The following MYO10 variants were observed in gnomAD, a reference collection of about 807,000 sequenced individuals.
MYO10 encodes unconventional myosin-X.
In MYO10, 133 loss-of-function variants were observed where a neutral mutation model predicts 257.3. The ratio of observed to expected loss-of-function variants is 0.52; its 90% CI spans 0.45 to 0.60. The LOEUF (loss-of-function observed/expected upper bound fraction) is 0.60. Ranked by LOEUF, MYO10 falls within the 20% of genes least tolerant of loss-of-function variation. The probability of loss-of-function intolerance (pLI) is 0.00; values close to 1 mark genes in which losing one functional copy is unlikely to be tolerated. For missense variants in MYO10, 2,399 were observed against 2,635.7 expected, an observed-to-expected ratio of 0.91 and a Z score of 1.97; for synonymous variants, 1,104 against 1,028.6, an observed-to-expected ratio of 1.07 and a Z score of -1.40.
intron 1 of MYO10, among the ~76,000 whole-genome samples, chr5:16,896,922 C>G (rs896257763): frequency 6.6e-6 from 1 of 151,234 alleles, no homozygotes; most frequent in South Asian, 2.1e-4. Context: ...TGCATTAGCT[C>G]CGAACAAAGG....
rs897588386 is a variant in MYO10 at position 16,781,608 on chromosome 5, A to G, written c.727+97T>C. ...TAATTCGTTAAAGAACCAGAGAAAG[A>G]AATGTTTCACATTCTTTTTCAATCC... is the stretch of plus-strand genomic sequence containing the variant. On this transcript the variant is annotated intron_variant, in intron 6 of 40. Coordinates refer to ENST00000513610, the MANE Select transcript of MYO10 (RefSeq NM_012334.3). 2.1e-5 allele frequency: 27 copies of G among 1,277,326 alleles called. No homozygotes were observed. In the African/African-American group the frequency reaches 3.6e-4, roughly 17 times the overall value. 79.1% of individuals were successfully genotyped at this position (1,277,326 alleles called of 1,614,324 possible).
rs114703445 is a variant in MYO10 at position 16,886,316 on chromosome 5, G to A, written c.22-8609C>T. On this transcript the variant is annotated intron_variant, in intron 1 of 40. Coordinates refer to ENST00000513610, the MANE Select transcript of MYO10 (RefSeq NM_012334.3). Reference sequence around the variant, plus strand: ...TGGAAATGTGTGGTTTGAGAGTCCCGAGTTTGTAATATTTTTCTTTGGGCT... The same window carrying A: ...TGGAAATGTGTGGTTTGAGAGTCCCAAGTTTGTAATATTTTTCTTTGGGCT... Among the ~76,000 whole-genome samples the A allele has an allele frequency of 2.2e-3, 328 of 152,242 alleles. 1 individual carries two copies. The highest frequency in any genetic ancestry group is 7.7e-3 in the African/African-American group (320 of 41,538).
intron 2 of MYO10, among the ~76,000 whole-genome samples, chr5:16,846,157 A>AT (rs766546004): frequency 1.2e-4 from 18 of 152,328 alleles, no homozygotes; most frequent in Admixed American, 4.6e-4. Context: ...ACTTGTTTGC[A>AT]TGGGCTACAT....
At chr5:16,900,678 C>T (rs1232733624) in intron 1 of MYO10, among the ~76,000 whole-genome samples, 1 of 151,944 alleles carries the variant, frequency 6.6e-6, no homozygotes, top group African/African-American at 2.4e-5. Flanking sequence ...CACCCCATCC[C>T]TCTTCATTCT....
intron 3 of MYO10, among the ~76,000 whole-genome samples, chr5:16,799,083 C>T (rs1479942837): frequency 1.3e-5 from 2 of 152,142 alleles, no homozygotes; most frequent in African/African-American, 4.8e-5. Flanking sequence ...TTTCTTAAGG[C>T]ACTGATTTAC....
At chr5:16,694,328 C>A (rs1737634947) in intron 27 of MYO10, 43 bp downstream of exon 27, 3 of 1,611,408 alleles carry the variant, frequency 1.9e-6, no homozygotes, top group Admixed American at 1.7e-5. Flanking sequence ...CCAGCATAAA[C>A]CATGAGCAAC....
intron 2 of MYO10, among the ~76,000 whole-genome samples, chr5:16,822,894 A>G (rs1013060721): frequency 1.3e-5 from 2 of 151,552 alleles, no homozygotes; most frequent in East Asian, 2.0e-4. Flanking sequence ...TCACTGTGTT[A>G]GCCAGGACGG....
At position 16,685,822 on chromosome 5, in the gene MYO10, G is replaced by A; in HGVS notation, c.3906C>T (p.Phe1302=). The A allele has an allele frequency of 6.3e-6, 10 of 1,594,604 alleles. No individual in the cohort carries two copies. The highest frequency in any genetic ancestry group is 7.7e-6 in the Non-Finnish European group (9 of 1,170,742). Residue 1302 remains phenylalanine (F), a synonymous_variant, in exon 29 of 41, where the codon TTC becomes TTT. Transcript: ENST00000513610. ...ACGCGTGGACCTGACTCAGCACGCTGAACCACTGGCTGTGGGGAAGAGAGA... is the reference window on the plus strand; with the variant it reads ...ACGCGTGGACCTGACTCAGCACGCTAAACCACTGGCTGTGGGGAAGAGAGA... ...AESPEDASQW[F]SVLSQVHAST... is the part of the protein sequence containing the mutation.
intron 26 of MYO10, among the ~76,000 whole-genome samples, chr5:16,696,728 C>T (rs953180191): frequency 1.5e-4 from 23 of 152,062 alleles, no homozygotes; most frequent in African/African-American, 3.6e-4. Flanking sequence ...TGGTGGCGCA[C>T]GCCTGTAATC....
intron 19 of MYO10, chr5:16,742,277 T>C: frequency 1.0e-6 from 1 of 979,298 alleles, no homozygotes; most frequent in Non-Finnish European, 1.2e-6. Flanking sequence ...TACAGAGCTC[T>C]GATGAATAGT....
intron 8 of MYO10, 81 bp from the exon 9 acceptor site, chr5:16,779,729 A>G: frequency 1.3e-6 from 1 of 744,702 alleles, no homozygotes; most frequent in Non-Finnish European, 2.2e-6. Flanking sequence ...TTTTTAAAGT[A>G]TATATATATA....
chr5:16,929,444 C>A (rs1340008013), intron 1 of MYO10, among the ~76,000 whole-genome samples: 1 of 152,134 alleles, frequency 6.6e-6, no homozygotes, highest in Non-Finnish European at 1.5e-5. Flanking sequence ...CAAAGGACAT[C>A]AACAGGACAG....
chr5:16,914,594 A>T (rs558194929), intron 1 of MYO10, among the ~76,000 whole-genome samples: 1 of 152,298 alleles, frequency 6.6e-6, no homozygotes, highest in South Asian at 2.1e-4. Flanking sequence ...CTAGCCCCAG[A>T]TATGTCTTTC....
intron 3 of MYO10, among the ~76,000 whole-genome samples, chr5:16,799,189 C>G (rs1053962343): frequency 7.4e-6 from 1 of 135,048 alleles, no homozygotes; most frequent in African/African-American, 2.7e-5. Context: ...GGGAACCTCA[C>G]TAGCCATAGA....
intron 19 of MYO10, among the ~76,000 whole-genome samples, chr5:16,743,788 G>A (rs1740093947): frequency 6.6e-6 from 1 of 152,174 alleles, no homozygotes; most frequent in Admixed American, 6.5e-5. Flanking sequence ...ACACATGACA[G>A]TACTTATTTG....
At chr5:16,831,897 A>T (rs1743173640) in intron 2 of MYO10, among the ~76,000 whole-genome samples, 1 of 152,090 alleles carries the variant, frequency 6.6e-6, no homozygotes, top group African/African-American at 2.4e-5. Flanking sequence ...TATATATCAG[A>T]ACTCCAATAA....
chr5:16,671,364 T>G, intron 38 of MYO10, 58 bp downstream of exon 38: 2 of 1,593,696 alleles, frequency 1.3e-6, no homozygotes, highest in Non-Finnish European at 1.7e-6. Flanking sequence ...GGCTAAGTAT[T>G]AACAGGTTTC....
intron 19 of MYO10, among the ~76,000 whole-genome samples, chr5:16,726,033 G>A (rs1433871091): frequency 5.3e-5 from 8 of 152,162 alleles, no homozygotes; most frequent in South Asian, 2.1e-4. Flanking sequence ...TGATCCACCC[G>A]CCTCAGCCTC....
At chr5:16,911,899 G>A (rs1361706808) in intron 1 of MYO10, among the ~76,000 whole-genome samples, 1 of 151,980 alleles carries the variant, frequency 6.6e-6, no homozygotes, top group Admixed American at 6.6e-5. Context: ...TTAGCCGGGT[G>A]TGGTGGTGGG....
Sources: allele counts gnomAD v4.1 joint callset (sites outside exome capture counted in the v4.1 genomes callset), GRCh38; gene constraint gnomAD v4.1.1; transcripts MANE v1.5; gene names NCBI Gene and HGNC (gene_info 2026-07-23, HGNC 2026-07-21).